Variants in SUGCT observed in about 807,000 individuals in gnomAD.
The protein encoded by SUGCT is succinyl-CoA:glutarate-CoA transferase, also known as succinyl-CoA:glutarate CoA-transferase.
Under a neutral mutation model 55.0 loss-of-function variants are expected in SUGCT, and 41 were observed. That is an observed-to-expected ratio of 0.74 (90% CI 0.58 to 0.97). The LOEUF (loss-of-function observed/expected upper bound fraction) is 0.97, where lower values mean the gene tolerates loss of function less well. Among genes scored for constraint, SUGCT ranks in the 50% least tolerant of loss-of-function variants. The pLI, the probability that SUGCT is intolerant of heterozygous loss-of-function variation, is 0.00. For synonymous variants in SUGCT, 187 were observed against 200.4 expected (o/e 0.93, Z 0.56); for missense variants, 568 against 547.8 (o/e 1.04, Z -0.37).
chr7:40,235,100 G>C (rs1175224240), intron 6 of SUGCT, among the ~76,000 whole-genome samples: 1 of 151,890 alleles, frequency 6.6e-6, no homozygotes, highest in Non-Finnish European at 1.5e-5. Context: ...CATAAGCAGA[G>C]ACATGTTTTA....
chr7:40,422,820 CAA>C (rs748926147), intron 9 of SUGCT, among the ~76,000 whole-genome samples: 13 of 121,684 alleles, frequency 1.1e-4, no homozygotes, highest in African/African-American at 2.1e-4. Context: ...ACCAGTTGTC[CAA>C]AAAAAAAAAA....
chr7:40,496,228 G>C (rs536804073), intron 11 of SUGCT, 56 bp from the exon 12 acceptor site: 2 of 1,089,990 alleles, frequency 1.8e-6, no homozygotes, highest in Non-Finnish European at 2.8e-6. Context: ...CATGATAGAA[G>C]AGGCTGTGTT....
the SUGCT span, chr7:40,968,325 A>T: frequency 6.6e-6 from 1 of 152,224 alleles, no homozygotes; most frequent in Non-Finnish European, 1.5e-5. Flanking sequence ...CATAACGTGA[A>T]ACCAAACAGT....
Position 40,514,664 on chromosome 7 carries a change from C to T in SUGCT, c.1089+18278C>T, listed in dbSNP as rs193024087. Reference sequence around the variant, plus strand: ...GGCGGAGGTTGCAGTGAGCCGAGATCGTGCCATTGCACTGCGGCCTGGGCA... The same window carrying T: ...GGCGGAGGTTGCAGTGAGCCGAGATTGTGCCATTGCACTGCGGCCTGGGCA... On this transcript the variant is annotated intron_variant, in intron 12 of 13. Coordinates refer to ENST00000335693, the MANE Select transcript of SUGCT (RefSeq NM_001193313.2). 2.9e-5 allele frequency among the ~76,000 whole-genome samples: 4 copies of T among 136,836 alleles called. No homozygotes were observed. The East Asian group carries it at 9.2e-4, about 32-fold the overall frequency. The allele number at this position is 136,836 out of a possible 152,430, so 89.8% of individuals were successfully genotyped here. A position where few individuals can be genotyped will look rare whatever the true frequency, so the allele number is the denominator to read the frequency against.
At chr7:40,487,387 G>C (rs777033318) in intron 11 of SUGCT, among the ~76,000 whole-genome samples, 1 of 150,706 alleles carries the variant, frequency 6.6e-6, no homozygotes, top group Non-Finnish European at 1.5e-5. Context: ...GATTACAGGC[G>C]TGAGCCACCA....
At chr7:40,950,428 C>T in the SUGCT span, among the ~76,000 whole-genome samples, 1 of 152,174 alleles carries the variant, frequency 6.6e-6, no homozygotes, top group Non-Finnish European at 1.5e-5. Context: ...TTCCTCTTTT[C>T]CTAATTGAAT....
intron 13 of SUGCT, among the ~76,000 whole-genome samples, chr7:40,776,982 GAAACATTAATGCAGTAGAGCGGTGA>G (rs928132635): frequency 2.0e-5 from 3 of 152,186 alleles, no homozygotes; most frequent in African/African-American, 7.2e-5. Context: ...GAAGCTGTTT[GAAACATTAATGCAGTAGAGCGGTGA>G]AGCATGAGAA....
At chr7:40,523,799 A>G (rs1327673933) in intron 12 of SUGCT, among the ~76,000 whole-genome samples, 1 of 152,136 alleles carries the variant, frequency 6.6e-6, no homozygotes, top group East Asian at 1.9e-4. Flanking sequence ...TGTTCTGTTT[A>G]CTAACCAGTC....
chr7:40,916,775 C>T, the SUGCT span, among the ~76,000 whole-genome samples: 1 of 152,152 alleles, frequency 6.6e-6, no homozygotes, highest in African/African-American at 2.4e-5. Context: ...ACTGTGTAGG[C>T]TTTAACATTT....
intron 9 of SUGCT, among the ~76,000 whole-genome samples, chr7:40,377,825 T>G (rs1562729811): frequency 6.6e-6 from 1 of 152,210 alleles, no homozygotes. Flanking sequence ...GTCCTTTATA[T>G]ATGAAGAATA....
intron 1 of SUGCT, among the ~76,000 whole-genome samples, chr7:40,172,139 A>G (rs1784706772): frequency 6.6e-6 from 1 of 152,026 alleles, no homozygotes; most frequent in South Asian, 2.1e-4. Flanking sequence ...CTGATCTATT[A>G]TGTTGTCATA....
intron 12 of SUGCT, among the ~76,000 whole-genome samples, chr7:40,505,796 G>C (rs1181853703): frequency 6.6e-6 from 1 of 151,840 alleles, no homozygotes; most frequent in Admixed American, 6.6e-5. Flanking sequence ...AGTCTATATT[G>C]ATAATATTTG....
the SUGCT span, among the ~76,000 whole-genome samples, chr7:41,028,093 A>G: frequency 0.44 from 66,671 of 152,074 alleles, 14,804 homozygotes; most frequent in African/African-American, 0.48. Context: ...GGTGCTAAGG[A>G]TGATTCCTAA....
the SUGCT span, among the ~76,000 whole-genome samples, chr7:40,962,253 G>A: frequency 6.6e-6 from 1 of 151,996 alleles, no homozygotes; most frequent in Non-Finnish European, 1.5e-5. Context: ...CAGAGCACTG[G>A]TTGGTGCATT....
chr7:40,969,495 G>T, the SUGCT span, among the ~76,000 whole-genome samples: 1 of 152,102 alleles, frequency 6.6e-6, no homozygotes, highest in Non-Finnish European at 1.5e-5. Context: ...TGAGTAGCTA[G>T]GACCATACCA....
At position 40,542,244 on chromosome 7, in the gene SUGCT, G is replaced by A. The variant is rs182484995; in HGVS notation, c.1089+45858G>A. 3.0e-3 allele frequency among the ~76,000 whole-genome samples: 460 copies of A among 151,952 alleles called. 5 individuals are homozygous for A. Among genetic ancestry groups the A allele is most frequent in the East Asian group, 0.03 (154 of 5,172 alleles). On this transcript the variant is annotated intron_variant, in intron 12 of 13. Transcript: ENST00000335693. ...CATAGACAATGTAATCATAACCATC[G>A]TCATCATCATCATCATCATCATCCA...
At chr7:40,926,233 G>A in the SUGCT span, among the ~76,000 whole-genome samples, 1 of 152,088 alleles carries the variant, frequency 6.6e-6, no homozygotes, top group Admixed American at 6.6e-5. Flanking sequence ...TTCAATAGTA[G>A]TAATCAAGCC....
chr7:40,483,075 G>T (rs1165647829), intron 11 of SUGCT, among the ~76,000 whole-genome samples: 1 of 152,090 alleles, frequency 6.6e-6, no homozygotes, highest in Non-Finnish European at 1.5e-5. Flanking sequence ...GAAATTACAG[G>T]AAATATTAAA....
intron 8 of SUGCT, among the ~76,000 whole-genome samples, chr7:40,277,677 G>GTTGTTATTATTATTA (rs71560188): frequency 2.1e-5 from 3 of 144,896 alleles, no homozygotes; most frequent in Non-Finnish European, 4.5e-5. Context: ...TGTTCTTTTT[G>GTTGTTATTATTATTA]TTATTATTAT....
Sources: gnomAD v4.1 joint callset for allele counts (sites outside exome capture counted in the v4.1 genomes callset) on GRCh38, gnomAD v4.1.1 for gene constraint, MANE v1.5 for transcripts, NCBI Gene and HGNC (gene_info 2026-07-23, HGNC 2026-07-21) for gene names.